Variants in SPSB4 observed in about 807,000 individuals in gnomAD.
SPSB4 encodes splA/ryanodine receptor domain and SOCS box containing 4.
SPSB4 carries 21 observed loss-of-function variants against 20.9 expected under a neutral mutation model. The observed-to-expected ratio is 1.01, with a 90% CI of 0.71 to 1.45. The LOEUF is 1.45. SPSB4 is among the 40% of genes most tolerant of loss of function. SPSB4 has a pLI of 0.00. For synonymous variants in SPSB4, 207 were observed against 183.8 expected (o/e 1.13, Z -1.02); for missense variants, 399 against 399.2 (o/e 1.00, Z 0.00).
chr3:141,114,870 A>G (rs903366582), intron 2 of SPSB4, among the ~76,000 whole-genome samples: 1 of 152,236 alleles, frequency 6.6e-6, no homozygotes, highest in African/African-American at 2.4e-5. Context: ...TGGAAAAAGT[A>G]GACATTGTAG....
intron 2 of SPSB4, among the ~76,000 whole-genome samples, chr3:141,112,126 T>TC (rs1938807932): frequency 6.6e-6 from 1 of 152,224 alleles, no homozygotes; most frequent in Non-Finnish European, 1.5e-5. Context: ...TCCCCACTGA[T>TC]CACTCACTGG....
In SPSB4 at chr3:141,066,379, G is replaced by C; in HGVS notation, c.275G>C (p.Gly92Ala). The C allele has an allele frequency of 2.6e-6, 4 of 1,547,582 alleles. No homozygotes were observed. The highest frequency in any genetic ancestry group is 2.4e-5 in the East Asian group (1 of 41,006). Residue 92 changes from glycine (G) to alanine (A), a missense_variant, in exon 2 of 3, where the codon GGC becomes GCC. By Grantham distance (60) the Gly-to-Ala change is moderately conservative. Transcript: ENST00000310546. ...QSTDGIRGKV[G>A]HARGLHAWQI... Reference sequence around the variant, plus strand: ...ACCGACGGCATCCGCGGCAAGGTGGGCCACGCCCGCGGCCTGCACGCCTGG... The same window carrying C: ...ACCGACGGCATCCGCGGCAAGGTGGCCCACGCCCGCGGCCTGCACGCCTGG...
intron 2 of SPSB4, among the ~76,000 whole-genome samples, chr3:141,083,815 G>A (rs1938287108): frequency 6.6e-6 from 1 of 151,882 alleles, no homozygotes; most frequent in Non-Finnish European, 1.5e-5. Flanking sequence ...ATAAGGCATG[G>A]CCCCTTCTTA....
At chr3:141,097,209 G>T (rs966639938) in intron 2 of SPSB4, among the ~76,000 whole-genome samples, 1 of 152,154 alleles carries the variant, frequency 6.6e-6, no homozygotes, top group Non-Finnish European at 1.5e-5. Flanking sequence ...CTGTAGTCTG[G>T]CCAGGGCCTT....
intron 2 of SPSB4, among the ~76,000 whole-genome samples, chr3:141,129,650 A>AGT (rs1939104264): frequency 6.6e-6 from 1 of 152,166 alleles, no homozygotes; most frequent in East Asian, 1.9e-4. Flanking sequence ...GGAGGGGTGC[A>AGT]GTGTGTGGGC....
chr3:141,067,205 C>G (rs139387263), intron 2 of SPSB4, among the ~76,000 whole-genome samples: 170 of 152,302 alleles, frequency 1.1e-3, no homozygotes, highest in African/African-American at 4.0e-3. Flanking sequence ...AATGGGAAGA[C>G]AGTGACAAGT....
In SPSB4 at chr3:141,066,440, C is replaced by CAATCATA; in HGVS notation, c.336_337insAATCATA (p.Ala113AsnfsTer26). 1 of 1,506,898 alleles carries CAATCATA rather than the reference C, an allele frequency of 6.6e-7. No homozygotes were observed. The highest frequency in any genetic ancestry group is 8.9e-7 in the Non-Finnish European group (1 of 1,128,818). The allele number at this position is 1,506,898 out of a possible 1,614,324, so 93.3% of individuals were successfully genotyped here. On this transcript the variant is annotated frameshift_variant, in exon 2 of 3. Transcript: ENST00000310546. LOFTEE classifies it high-confidence loss of function. The stretch of plus-strand genomic sequence containing the variant: ...GGCCGGCTCGGCAGCGCGGCACCCA[C>CAATCATA]GCTGTAGTTGGTGTGGCCACGGCCC...
chr3:141,058,488 G>C (rs1326294347), intron 1 of SPSB4, among the ~76,000 whole-genome samples: 1 of 152,186 alleles, frequency 6.6e-6, no homozygotes, highest in Non-Finnish European at 1.5e-5. Context: ...TCTTCAGGAT[G>C]CTGGCTGCTT....
chr3:141,061,802 C>T (rs1040378176), intron 1 of SPSB4, among the ~76,000 whole-genome samples: 2 of 142,974 alleles, frequency 1.4e-5, no homozygotes, highest in Non-Finnish European at 3.0e-5. Context: ...GTGGCACGAT[C>T]TTGGCTTACT....
At chr3:141,072,361 G>A (rs1043493573) in intron 2 of SPSB4, among the ~76,000 whole-genome samples, 2 of 152,164 alleles carry the variant, frequency 1.3e-5, no homozygotes, top group South Asian at 4.1e-4. Flanking sequence ...TACAAATCTC[G>A]TGTTGAAATG....
Position 141,066,399 on chromosome 3 carries a change from G to A in SPSB4, c.295G>A (p.Ala99Thr), listed in dbSNP as rs762954627. Residue 99 changes from alanine (A) to threonine (T), a missense_variant, in exon 2 of 3, where the codon GCC becomes ACC. Coordinates refer to ENST00000310546, the MANE Select transcript of SPSB4 (RefSeq NM_080862.3). ...GKVGHARGLH[A>T]WQINWPARQR... ...GGTGGGCCACGCCCGCGGCCTGCACGCCTGGCAGATCAACTGGCCGGCTCG... is the reference window on the plus strand; with the variant it reads ...GGTGGGCCACGCCCGCGGCCTGCACACCTGGCAGATCAACTGGCCGGCTCG... The A allele has an allele frequency of 4.0e-5, 62 of 1,536,880 alleles. No homozygotes were observed. The highest frequency in any genetic ancestry group is 4.9e-5 in the Non-Finnish European group (56 of 1,142,916).
intron 1 of SPSB4, among the ~76,000 whole-genome samples, chr3:141,055,188 G>A (rs1937617740): frequency 6.6e-6 from 1 of 152,186 alleles, no homozygotes; most frequent in Admixed American, 6.5e-5. Flanking sequence ...GTGGGTTGGA[G>A]GGCAGAGGGT....
intron 2 of SPSB4, among the ~76,000 whole-genome samples, chr3:141,139,152 T>A (rs932000843): frequency 2.0e-5 from 3 of 152,216 alleles, no homozygotes; most frequent in African/African-American, 7.2e-5. Context: ...AGACTAGGAT[T>A]GCAACCCCTG....
chr3:141,056,866 G>A (rs1269357582), intron 1 of SPSB4, among the ~76,000 whole-genome samples: 2 of 152,232 alleles, frequency 1.3e-5, no homozygotes, highest in Admixed American at 6.5e-5. Flanking sequence ...CTGTCTCAGT[G>A]GTATGTCTCT....
intron 2 of SPSB4, among the ~76,000 whole-genome samples, chr3:141,105,616 G>A (rs552095692): frequency 2.0e-5 from 3 of 152,246 alleles, no homozygotes; most frequent in South Asian, 2.1e-4. Flanking sequence ...GTGACTTGCC[G>A]AAGACATACA....
rs1442462306 is a variant in SPSB4 at position 141,051,559 on chromosome 3, C to T, written c.-587C>T. 6.7e-6 allele frequency: 1 copy of T among 150,160 alleles called. No homozygotes were observed. Among genetic ancestry groups the T allele is most frequent in the African/African-American group, 2.4e-5 (1 of 40,890 alleles). The allele number at this position is 150,160 out of a possible 1,614,324, so 9.3% of individuals were successfully genotyped here. ...CCAGCTGCTGCTACCGCTGCGTGCG[C>T]TCAGGGCGCTGGGGAAGACGCCCGG... On this transcript the variant is annotated 5_prime_UTR_variant, in exon 1 of 3. Coordinates refer to ENST00000310546, the MANE Select transcript of SPSB4 (RefSeq NM_080862.3).
At chr3:141,124,626 C>T (rs111678438) in intron 2 of SPSB4, among the ~76,000 whole-genome samples, 3,632 of 152,144 alleles carry the variant, frequency 0.024, 147 homozygotes, top group African/African-American at 0.08. Flanking sequence ...ATGTTTAGGA[C>T]GTGGACATGA....
At position 141,066,557 on chromosome 3, in the gene SPSB4, C is replaced by G; in HGVS notation, c.453C>G (p.His151Gln). The G allele has an allele frequency of 6.5e-7, 1 of 1,532,432 alleles. No homozygotes were observed. The highest frequency in any genetic ancestry group is 8.8e-7 in the Non-Finnish European group (1 of 1,138,936). The allele number at this position is 1,532,432 out of a possible 1,614,324, so 94.9% of individuals were successfully genotyped here. The change falls in exon 2 of 3, where the codon CAC becomes CAG. Residue 151 changes from histidine (H) to glutamine (Q), a missense_variant. By Grantham distance (24) the His-to-Gln change is conservative. Coordinates refer to ENST00000310546, the MANE Select transcript of SPSB4 (RefSeq NM_080862.3). ...ACCTGGGCCGCAGCCGCCTCTACCACGACGGCAAGAACCAGCCCGGCGTGG... is the reference window on the plus strand; with the variant it reads ...ACCTGGGCCGCAGCCGCCTCTACCAGGACGGCAAGAACCAGCCCGGCGTGG... ...GWDLGRSRLY[H>Q]DGKNQPGVAY...
intron 2 of SPSB4, among the ~76,000 whole-genome samples, chr3:141,121,847 A>G (rs772665174): frequency 1.6e-4 from 25 of 152,100 alleles, no homozygotes; most frequent in Non-Finnish European, 1.8e-4. Flanking sequence ...CTTCCTTGCA[A>G]TTGGTTAGAA....
Sources: allele counts gnomAD v4.1 joint callset (sites outside exome capture counted in the v4.1 genomes callset), GRCh38; gene constraint gnomAD v4.1.1; transcripts MANE v1.5; gene names NCBI Gene and HGNC (gene_info 2026-07-23, HGNC 2026-07-21).